Variants in SYK observed in about 807,000 individuals in gnomAD.
The protein encoded by SYK is tyrosine-protein kinase SYK.
SYK carries 16 observed loss-of-function variants against 77.8 expected under a neutral mutation model. The ratio of observed to expected loss-of-function variants is 0.21; its 90% confidence interval spans 0.14 to 0.31. SYK has a LOEUF of 0.31. Among genes scored for constraint, SYK ranks in the 10% least tolerant of loss-of-function variants. The pLI, the probability that SYK is intolerant of heterozygous loss-of-function variation, is 1.00. For missense variants in SYK, 529 were observed against 814.4 expected (o/e 0.65, Z 4.26); for synonymous variants, 312 against 308.7 (o/e 1.01, Z -0.11).
At chr9:90,820,990 A>T (rs1049818127) in intron 1 of SYK, among the ~76,000 whole-genome samples, 6 of 152,060 alleles carry the variant, frequency 3.9e-5, no homozygotes, top group African/African-American at 1.2e-4. Flanking sequence ...AGTTTCACAG[A>T]TCTCTAGGGC....
intron 12 of SYK, 39 bp from the exon 13 acceptor site, chr9:90,888,476 T>C (rs202089878): frequency 2.1e-5 from 24 of 1,118,260 alleles, no homozygotes; most frequent in Admixed American, 2.9e-5. Flanking sequence ...CTAACACCTT[T>C]AAAAAAAAAA....
At chr9:90,862,705 C>T (rs144185876) in intron 4 of SYK, among the ~76,000 whole-genome samples, 18 of 152,234 alleles carry the variant, frequency 1.2e-4, no homozygotes, top group Admixed American at 1.3e-4. Context: ...ACAAGACACT[C>T]TCTTTGGAGA....
At chr9:90,873,315 T>A (rs1225894500) in intron 7 of SYK, among the ~76,000 whole-genome samples, 1 of 148,756 alleles carries the variant, frequency 6.7e-6, no homozygotes, top group South Asian at 2.1e-4. Flanking sequence ...GGTCAATCAA[T>A]ACATAGAATT....
chr9:90,805,519 AG>A (rs1426512838), intron 1 of SYK, among the ~76,000 whole-genome samples: 1 of 152,230 alleles, frequency 6.6e-6, no homozygotes, highest in East Asian at 1.9e-4. Flanking sequence ...CAACAGAAGG[AG>A]GGCCCAGGGC....
At chr9:90,824,784 G>A (rs1426842407) in intron 1 of SYK, among the ~76,000 whole-genome samples, 1 of 151,342 alleles carries the variant, frequency 6.6e-6, no homozygotes, top group Non-Finnish European at 1.5e-5. Context: ...AATGGTGAGA[G>A]ACTGAACACT....
In SYK at chr9:90,888,511, G is replaced by T. The variant is rs200207422; in HGVS notation, c.1723-4G>T. 1.7e-4 allele frequency: 277 copies of T among 1,594,820 alleles called. No homozygotes were observed. The South Asian group carries it at 3.0e-3, about 17-fold the overall frequency. ...AAAGCTTATGCATATCTTGCATGTT[G>T]TAGGGGATGAAAGGAAGTGAAGTCA... On this transcript the variant is annotated splice_region_variant and splice_polypyrimidine_tract_variant and intron_variant, in intron 12 of 13. Transcript: ENST00000375754.
chr9:90,841,982 G>A (rs373767616), intron 1 of SYK, among the ~76,000 whole-genome samples: 4,315 of 115,280 alleles, frequency 0.037, 5 homozygotes, highest in Non-Finnish European at 0.059. Flanking sequence ...AGTGTATGTA[G>A]TTTTTGTGTG....
At chr9:90,865,497 C>T (rs531318397) in intron 6 of SYK, among the ~76,000 whole-genome samples, 85 of 151,820 alleles carry the variant, frequency 5.6e-4, no homozygotes, top group African/African-American at 2.0e-3. Context: ...TTAGTAGAGA[C>T]GAGGTTTTGC....
In SYK at chr9:90,895,944, C is replaced by T. The variant is rs961183687; in HGVS notation, c.*344C>T. On this transcript the variant is annotated 3_prime_UTR_variant, in exon 14 of 14. Transcript: ENST00000375754. The surrounding 1 kb of genome is among the most constrained non-coding windows in gnomAD (Gnocchi z 4.4). ...GTCCCGGGGTGCATTTGTTACTCAT[C>T]GGGCCCAGGGACATTGCAGAGTGGC... The T allele has an allele frequency of 2.6e-5, 9 of 340,870 alleles. No individual in the cohort carries two copies. The highest frequency in any genetic ancestry group is 1.0e-4 in the African/African-American group (5 of 49,520). 21.1% of individuals were successfully genotyped at this position (340,870 alleles called of 1,614,324 possible).
chr9:90,817,118 T>G (rs375105149), intron 1 of SYK, among the ~76,000 whole-genome samples: 1 of 152,222 alleles, frequency 6.6e-6, no homozygotes, highest in South Asian at 2.1e-4. Context: ...TCAGCTATCA[T>G]TAGTGTTAGT....
chr9:90,841,518 A>G (rs532538499), intron 1 of SYK, among the ~76,000 whole-genome samples: 14 of 134,554 alleles, frequency 1.0e-4, no homozygotes, highest in African/African-American at 4.3e-4. Context: ...TGTGGCATGC[A>G]TGTAGTGGGC....
chr9:90,847,865 A>T (rs1826657635), intron 3 of SYK, among the ~76,000 whole-genome samples: 1 of 152,192 alleles, frequency 6.6e-6, no homozygotes, highest in South Asian at 2.1e-4. Flanking sequence ...TTTCTCCATC[A>T]TGAGCACCAG....
chr9:90,828,736 A>G (rs944056359), intron 1 of SYK, among the ~76,000 whole-genome samples: 1 of 152,184 alleles, frequency 6.6e-6, no homozygotes. Context: ...GCACACCTGT[A>G]TGATGAGGCA....
intron 12 of SYK, 114 bp from the exon 13 acceptor site, chr9:90,888,401 G>T: frequency 2.6e-6 from 2 of 759,764 alleles, no homozygotes; most frequent in Non-Finnish European, 4.1e-6. Context: ...TTTATACTTC[G>T]TATAATTGAA....
intron 1 of SYK, among the ~76,000 whole-genome samples, chr9:90,806,431 C>T (rs1483115188): frequency 3.3e-5 from 5 of 150,578 alleles, no homozygotes; most frequent in Admixed American, 6.6e-5. Flanking sequence ...GATGGGCTCT[C>T]ACTATATTGC....
chr9:90,878,736 T>G, intron 10 of SYK, 28 bp from the exon 11 acceptor site: 1 of 1,587,932 alleles, frequency 6.3e-7, no homozygotes, highest in Non-Finnish European at 8.6e-7. Context: ...CTGTCTGTTA[T>G]AGCTGATGAG....
chr9:90,872,277 T>C (rs1016130194), intron 7 of SYK, among the ~76,000 whole-genome samples: 4 of 152,170 alleles, frequency 2.6e-5, no homozygotes, highest in Non-Finnish European at 5.9e-5. Context: ...AGGTCTTATG[T>C]CAAGAAGAGG....
At chr9:90,871,695 T>C (rs2118852454) in intron 7 of SYK, among the ~76,000 whole-genome samples, 1 of 152,362 alleles carries the variant, frequency 6.6e-6, no homozygotes, top group South Asian at 2.1e-4. Flanking sequence ...TTCCACATTC[T>C]TCCAGTTGTG....
intron 11 of SYK, among the ~76,000 whole-genome samples, chr9:90,880,267 T>A (rs1168731915): frequency 4.6e-5 from 7 of 152,042 alleles, no homozygotes; most frequent in Admixed American, 1.3e-4. Context: ...AGGGACTGCA[T>A]GAAGGGTAAG....
Sources: gnomAD v4.1 joint callset for allele counts (sites outside exome capture counted in the v4.1 genomes callset) on GRCh38, gnomAD v4.1.1 for gene constraint, Gnocchi (gnomAD v3.1) non-coding constraint, MANE v1.5 for transcripts, NCBI Gene and HGNC (gene_info 2026-07-23, HGNC 2026-07-21) for gene names.